PGM3: variants seen among roughly 807,000 people sequenced by gnomAD.
PGM3 encodes the protein phosphoacetylglucosamine mutase.
A neutral mutation model predicts 66.2 loss-of-function variants in PGM3; 40 were observed. The ratio of observed to expected loss-of-function variants is 0.60; its 90% confidence interval spans 0.47 to 0.79. PGM3 has a LOEUF of 0.79. Ranked by LOEUF, PGM3 falls within the 30% of genes least tolerant of loss-of-function variation. The pLI, the probability that PGM3 is intolerant of heterozygous loss-of-function variation, is 0.00. For synonymous variants in PGM3, 191 were observed against 224.2 expected (o/e 0.85, Z 1.32); for missense variants, 537 against 643.4 (o/e 0.83, Z 1.79).
downstream of PGM3, among the ~76,000 whole-genome samples, chr6:83,160,754 A>G (rs1047097266): frequency 1.3e-5 from 2 of 152,182 alleles, no homozygotes; most frequent in African/African-American, 4.8e-5. Context: ...TATCCACAAG[A>G]TCAAATATGT....
intron 10 of PGM3, among the ~76,000 whole-genome samples, chr6:83,172,933 C>G (rs1787396675): frequency 6.6e-6 from 1 of 152,208 alleles, no homozygotes; most frequent in Admixed American, 6.5e-5. Flanking sequence ...CAACGGGTGG[C>G]TGACAGAGTG....
In PGM3 at chr6:83,165,991, G is replaced by A. The variant is rs1035879684; in HGVS notation, c.*3243C>T. ...TTTTTTGGAGCAAGTTTGGCTTTGG[G>A]AAGTGCTTTGGAGCTTCTTTCAGTC... On this transcript the variant is annotated 3_prime_UTR_variant, in exon 13 of 13. Coordinates refer to ENST00000513973, the MANE Select transcript of PGM3 (RefSeq NM_015599.3). The A allele has an allele frequency of 1.2e-5, 4 of 326,186 alleles. No homozygotes were observed. The highest frequency in any genetic ancestry group is 8.6e-5 in the African/African-American group (4 of 46,770). The allele number at this position is 326,186 out of a possible 1,614,324, so 20.2% of individuals were successfully genotyped here.
In PGM3 at chr6:83,190,924, G is replaced by T. The variant is rs767476579; in HGVS notation, c.89C>A (p.Thr30Lys). 1.8e-5 allele frequency: 29 copies of T among 1,614,088 alleles called. No homozygotes were observed. The highest frequency in any genetic ancestry group is 2.5e-5 in the Non-Finnish European group (29 of 1,179,962). Reference protein sequence around the residue: ...ILQYGTAGFRTKAEHLDHVMF... With the variant: ...ILQYGTAGFRKKAEHLDHVMF... Reference sequence around the variant, plus strand: ...GACATGATCAAGATGTTCTGCCTTCGTTCGAAATCCAGCAGTCCCGTATTG... The same window carrying T: ...GACATGATCAAGATGTTCTGCCTTCTTTCGAAATCCAGCAGTCCCGTATTG... The change falls in exon 2 of 13, where the codon ACG becomes AAG. Residue 30 changes from threonine (T) to lysine (K), a missense_variant. Physicochemically the swap from Thr to Lys is moderately conservative, Grantham distance 78. Transcript: ENST00000513973.
At chr6:83,155,629 G>A in the PGM3 span, among the ~76,000 whole-genome samples, 1 of 152,176 alleles carries the variant, frequency 6.6e-6, no homozygotes, top group Admixed American at 6.6e-5. Flanking sequence ...TATTTTTAAA[G>A]TAACGAGAAG....
chr6:83,165,935 G>C lies in PGM3; in HGVS notation c.*3299C>G, dbSNP rs762608039. The C allele has an allele frequency of 2.4e-4, 90 of 382,554 alleles. No individual in the cohort carries two copies. The highest frequency in any genetic ancestry group is 1.3e-4 in the Admixed American group (5 of 37,742). The allele number at this position is 382,554 out of a possible 1,614,324, so 23.7% of individuals were successfully genotyped here. ...CAGAAAGCTGTAGTGGATCAGACTGGCAGCAAACCACCAAACAATGACCAT... is the reference window on the plus strand; with the variant it reads ...CAGAAAGCTGTAGTGGATCAGACTGCCAGCAAACCACCAAACAATGACCAT... On this transcript the variant is annotated 3_prime_UTR_variant, in exon 13 of 13. Transcript: ENST00000513973.
chr6:83,163,664 G>A (rs1158698380), downstream of PGM3, among the ~76,000 whole-genome samples: 1 of 152,114 alleles, frequency 6.6e-6, no homozygotes, highest in African/African-American at 2.4e-5. Flanking sequence ...TCACAAAACA[G>A]TTCTTGCCCT....
chr6:83,188,530 C>T, intron 3 of PGM3, 84 bp downstream of exon 3: 2 of 1,123,596 alleles, frequency 1.8e-6, no homozygotes, highest in Middle Eastern at 2.1e-4. Flanking sequence ...TACTTCTTTC[C>T]ATTTGTCTTG....
chr6:83,158,702 AAT>A, downstream of PGM3: 1 of 947,256 alleles, frequency 1.1e-6, no homozygotes, highest in South Asian at 1.6e-5. Flanking sequence ...CATCTAGGAG[AAT>A]ATAGTCTTTT....
At position 83,167,647 on chromosome 6, in the gene PGM3, C is replaced by T; in HGVS notation, c.*1587G>A. 1.6e-6 allele frequency: 2 copies of T among 1,275,610 alleles called. No homozygotes were observed. Among genetic ancestry groups the T allele is most frequent in the Non-Finnish European group, 2.0e-6 (2 of 1,013,588 alleles). 79.0% of individuals were successfully genotyped at this position (1,275,610 alleles called of 1,614,324 possible). A position where few individuals can be genotyped will look rare whatever the true frequency, so the allele number is the denominator to read the frequency against. ...CTTATCTGCGCATTCTAGTTGGGAA[C>T]TATTACTACAATGTTAGACTGCTCC... On this transcript the variant is annotated 3_prime_UTR_variant, in exon 13 of 13. Coordinates refer to ENST00000513973, the MANE Select transcript of PGM3 (RefSeq NM_015599.3).
At chr6:83,157,317 TTG>T (rs1783003648), downstream of PGM3, 1 of 1,613,056 alleles carries the variant, frequency 6.2e-7, no homozygotes, top group Non-Finnish European at 8.5e-7. Context: ...ATTACAGAAC[TTG>T]TGAGTTAATT....
chr6:83,160,035 T>C (rs767158245), downstream of PGM3: 25 of 1,428,488 alleles, frequency 1.8e-5, no homozygotes, highest in Non-Finnish European at 2.4e-5. Flanking sequence ...CTATGACTAA[T>C]TAAAAAGTTT....
In PGM3 at chr6:83,173,971, C is replaced by T. The variant is rs570898986; in HGVS notation, c.1242+403G>A. Reference sequence around the variant, plus strand: ...CAGGAGGGTCTCGATCTCCTGACCTCGTGATCCGCCCTCCTTGGCCTCCCA... The same window carrying T: ...CAGGAGGGTCTCGATCTCCTGACCTTGTGATCCGCCCTCCTTGGCCTCCCA... On this transcript the variant is annotated intron_variant, in intron 10 of 12. Coordinates refer to ENST00000513973, the MANE Select transcript of PGM3 (RefSeq NM_015599.3). 8.5e-4 allele frequency among the ~76,000 whole-genome samples: 130 copies of T among 152,158 alleles called. 1 individual carries two copies. The highest frequency in any genetic ancestry group is 3.1e-3 in the African/African-American group (127 of 41,514).
At chr6:83,177,868 A>C (rs1787895427) in intron 8 of PGM3, among the ~76,000 whole-genome samples, 1 of 152,100 alleles carries the variant, frequency 6.6e-6, no homozygotes, top group South Asian at 2.1e-4. Flanking sequence ...AGTTTAGCCA[A>C]AATACCACCC....
Position 83,167,189 on chromosome 6 carries a change from G to GT in PGM3, c.*2044dup, listed in dbSNP as rs2128463125. The GT allele has an allele frequency of 1.1e-6, 1 of 889,194 alleles. No homozygotes were observed. Among genetic ancestry groups the GT allele is most frequent in the Admixed American group, 6.2e-5 (1 of 16,170 alleles). The allele number at this position is 889,194 out of a possible 1,614,324, so 55.1% of individuals were successfully genotyped here. ...CCCATTTTATAAGTGAGGAACCTTTGTATATCCTGCCCAAGGGTGCCGTAA... is the reference window on the plus strand; with the variant it reads ...CCCATTTTATAAGTGAGGAACCTTTGTTATATCCTGCCCAAGGGTGCCGTAA... On this transcript the variant is annotated 3_prime_UTR_variant, in exon 13 of 13. Coordinates refer to ENST00000513973, the MANE Select transcript of PGM3 (RefSeq NM_015599.3).
rs1045969423 is a variant in PGM3 at position 83,182,014 on chromosome 6, A to C, written c.592-83T>G. 7.9e-6 allele frequency: 5 copies of C among 635,338 alleles called. No individual in the cohort carries two copies. In the African/African-American group the frequency reaches 9.4e-5, roughly 12 times the overall value. 39.4% of individuals were successfully genotyped at this position (635,338 alleles called of 1,614,324 possible). A position where few individuals can be genotyped will look rare whatever the true frequency, so the allele number is the denominator to read the frequency against. The stretch of plus-strand genomic sequence containing the variant: ...ATATAAAGCATATATACATATGTGC[A>C]TATGTAAATATTTAGTTAACTCATT... On this transcript the variant is annotated intron_variant, in intron 5 of 12. Transcript: ENST00000513973.
At chr6:83,180,431 C>T (rs186931429) in intron 6 of PGM3, among the ~76,000 whole-genome samples, 4 of 152,298 alleles carry the variant, frequency 2.6e-5, no homozygotes, top group Admixed American at 6.5e-5. Flanking sequence ...AGAATTATAA[C>T]TTTGAGAGAT....
chr6:83,167,751 GTCA>G lies in PGM3; in HGVS notation c.*1480_*1482del. On this transcript the variant is annotated 3_prime_UTR_variant, in exon 13 of 13. Coordinates refer to ENST00000513973, the MANE Select transcript of PGM3 (RefSeq NM_015599.3). Reference sequence around the variant, plus strand: ...TCAGGTCAGGAGTTAGAAACTTAATGTCATTTGTATTCATTTCTTGACCAATTG... The same window carrying G: ...TCAGGTCAGGAGTTAGAAACTTAATGTTTGTATTCATTTCTTGACCAATTG... The G allele has an allele frequency of 6.9e-7, 1 of 1,449,086 alleles. No individual in the cohort carries two copies. Among genetic ancestry groups the G allele is most frequent in the Non-Finnish European group, 9.1e-7 (1 of 1,101,814 alleles). The allele number at this position is 1,449,086 out of a possible 1,614,324, so 89.8% of individuals were successfully genotyped here.
At chr6:83,155,861 A>G in the PGM3 span, 1 of 1,445,420 alleles carries the variant, frequency 6.9e-7, no homozygotes, top group Non-Finnish European at 9.2e-7. Context: ...TCAGTTTTGG[A>G]TGTCATAGAG....
the PGM3 span, chr6:83,148,964 C>T: frequency 1.5e-6 from 1 of 654,254 alleles, no homozygotes; most frequent in Non-Finnish European, 2.4e-6. Context: ...AGTGATCTCT[C>T]TACCTTCTCA....
Sources: gnomAD v4.1 joint callset for allele counts (sites outside exome capture counted in the v4.1 genomes callset) on GRCh38, gnomAD v4.1.1 for gene constraint, MANE v1.5 for transcripts, NCBI Gene and HGNC (gene_info 2026-07-23, HGNC 2026-07-21) for gene names.